HERC2: variants seen among roughly 807,000 people sequenced by gnomAD.
HERC2 encodes HECT and RLD domain containing E3 ubiquitin protein ligase 2.
In HERC2, 102 loss-of-function variants were observed where a neutral mutation model predicts 537.7. The ratio of observed to expected loss-of-function variants is 0.19; its 90% CI spans 0.16 to 0.22. The LOEUF (loss-of-function observed/expected upper bound fraction) is 0.22, where lower values mean the gene tolerates loss of function less well. Ranked by LOEUF, HERC2 falls within the 10% of genes least tolerant of loss-of-function variation. HERC2 has a pLI of 1.00. For missense variants in HERC2, 4,236 were observed against 6,198.2 expected, an observed-to-expected ratio of 0.68 and a Z score of 10.63; for synonymous variants, 2,224 against 2,466.2, an observed-to-expected ratio of 0.90 and a Z score of 2.91.
rs976076129 is a variant in HERC2 at position 28,113,859 on chromosome 15, T to G, written c.13914-181A>C. 1.1e-5 allele frequency: 7 copies of G among 628,262 alleles called. No individual in the cohort carries two copies. In the African/African-American group the frequency reaches 1.3e-4, roughly 11 times the overall value. 38.9% of individuals were successfully genotyped at this position (628,262 alleles called of 1,614,324 possible). On this transcript the variant is annotated intron_variant, in intron 90 of 92. Transcript: ENST00000261609. The surrounding 1 kb of genome is among the most constrained non-coding windows in gnomAD (Gnocchi z 7.0). Reference sequence around the variant, plus strand: ...GGCACTGCAGAGCTTCTCCTGACACTGGGCTCATCTCGTCCAGCCGACAGG... The same window carrying G: ...GGCACTGCAGAGCTTCTCCTGACACGGGGCTCATCTCGTCCAGCCGACAGG...
chr15:28,163,067 G>T, intron 69 of HERC2, 27 bp downstream of exon 69: 1 of 1,582,262 alleles, frequency 6.3e-7, no homozygotes. Context: ...GGTGGAATCA[G>T]ACGGCCCCGC....
At chr15:28,136,515 C>T (rs892740055) in intron 78 of HERC2, among the ~76,000 whole-genome samples, 2 of 152,210 alleles carry the variant, frequency 1.3e-5, no homozygotes, top group African/African-American at 4.8e-5. Flanking sequence ...AAGGGTTGCC[C>T]CTCAGTGACT....
chr15:28,187,276 T>C (rs1463548644), intron 55 of HERC2, among the ~76,000 whole-genome samples: 6 of 152,160 alleles, frequency 3.9e-5, no homozygotes, highest in African/African-American at 1.4e-4. Context: ...CTAGGCATTA[T>C]GCTGTTTCAA....
At position 28,301,831 on chromosome 15, in the gene HERC2, C is replaced by T. The variant is rs146536754; in HGVS notation, c.73-2315G>A. 3.6e-3 allele frequency among the ~76,000 whole-genome samples: 427 copies of T among 118,000 alleles called. 6 individuals are homozygous for T. The highest frequency in any genetic ancestry group is 0.013 in the African/African-American group (407 of 31,450). 77.4% of individuals were successfully genotyped at this position (118,000 alleles called of 152,430 possible). ...TTTTTTTTTTTTTTGAGACGGATCT[C>T]GTTCTGGCACTAAGCTGGAGTGCAG... On this transcript the variant is annotated intron_variant, in intron 2 of 92. Coordinates refer to ENST00000261609, the MANE Select transcript of HERC2 (RefSeq NM_004667.6).
intron 69 of HERC2, 63 bp from the exon 70 acceptor site, chr15:28,152,893 C>G: frequency 6.7e-7 from 1 of 1,485,634 alleles, no homozygotes; most frequent in Non-Finnish European, 9.1e-7. Context: ...CACCTGCATG[C>G]CACCTCTGCC....
At position 28,174,629 on chromosome 15, in the gene HERC2, G is replaced by A. The variant is rs762025924; in HGVS notation, c.9832-9C>T. ...TCACCCCAAGCATACACCTGTTTAC[G>A]AGGAGAAAAAAGCTTATAATTTTTC... On this transcript the variant is annotated splice_polypyrimidine_tract_variant and intron_variant, in intron 64 of 92. Transcript: ENST00000261609. The A allele has an allele frequency of 7.2e-5, 111 of 1,539,208 alleles. No homozygotes were observed. Among genetic ancestry groups the A allele is most frequent in the East Asian group, 3.1e-4 (14 of 44,568 alleles).
Position 28,236,180 on chromosome 15 carries a change from C to T in HERC2, c.4003+783G>A, listed in dbSNP as rs150776592. ...GAGATTCCTGCACACTTTTTAGCTT[C>T]CTCTGCAGCAACAGACCATGAGGGC... On this transcript the variant is annotated intron_variant, in intron 26 of 92. Transcript: ENST00000261609. 1.7e-3 allele frequency among the ~76,000 whole-genome samples: 256 copies of T among 152,264 alleles called. 1 individual carries two copies. The highest frequency in any genetic ancestry group is 5.9e-3 in the African/African-American group (245 of 41,538).
chr15:28,222,662 G>A (rs1433833558), intron 35 of HERC2, among the ~76,000 whole-genome samples: 1 of 152,122 alleles, frequency 6.6e-6, no homozygotes, highest in African/African-American at 2.4e-5. Flanking sequence ...GGTTGCTGCA[G>A]GCTGGCCCTC....
rs1297835189 is a variant in HERC2 at position 28,318,454 on chromosome 15, C to T, written c.72+2908G>A. ...CCAACCTGGCCCACATGGTGGAGCCCTGTCTCTACTAAAAGTACACAAAAT... is the reference window on the plus strand; with the variant it reads ...CCAACCTGGCCCACATGGTGGAGCCTTGTCTCTACTAAAAGTACACAAAAT... On this transcript the variant is annotated intron_variant, in intron 2 of 92. Transcript: ENST00000261609. Among the ~76,000 whole-genome samples, 4 of 152,238 alleles carry T rather than the reference C, an allele frequency of 2.6e-5. No individual in the cohort carries two copies. In the South Asian group the frequency reaches 6.2e-4, roughly 24 times the overall value.
chr15:28,251,004 A>C (rs2075058226), intron 20 of HERC2, among the ~76,000 whole-genome samples: 1 of 152,210 alleles, frequency 6.6e-6, no homozygotes, highest in South Asian at 2.1e-4. Context: ...CCAATGTCCC[A>C]TACAGGACCC....
intron 3 of HERC2, among the ~76,000 whole-genome samples, chr15:28,295,026 T>C (rs1035332706): frequency 5.3e-5 from 8 of 152,094 alleles, no homozygotes; most frequent in African/African-American, 1.7e-4. Flanking sequence ...ATATTCAGCA[T>C]TGTTAGCCAT....
chr15:28,252,161 G>T (rs1419414781), intron 20 of HERC2, among the ~76,000 whole-genome samples: 2 of 152,122 alleles, frequency 1.3e-5, no homozygotes, highest in Non-Finnish European at 1.5e-5. Context: ...CAGTGTCTCA[G>T]CTATGATGGA....
At chr15:28,226,226 T>G (rs540174672) in intron 35 of HERC2, among the ~76,000 whole-genome samples, 31 of 152,346 alleles carry the variant, frequency 2.0e-4, no homozygotes, top group Admixed American at 4.6e-4. Context: ...AATCTACAGA[T>G]TCAATCCCTA....
chr15:28,224,220 C>T (rs1900861053), intron 35 of HERC2, among the ~76,000 whole-genome samples: 1 of 151,102 alleles, frequency 6.6e-6, no homozygotes, highest in Non-Finnish European at 1.5e-5. Context: ...AAGATTCCCC[C>T]CACCCCCAAG....
intron 2 of HERC2, among the ~76,000 whole-genome samples, chr15:28,300,199 G>A (rs942888939): frequency 6.6e-6 from 1 of 151,768 alleles, no homozygotes; most frequent in African/African-American, 2.4e-5. Flanking sequence ...AAGGCAGCAG[G>A]ACCAGAAAAA....
intron 70 of HERC2, among the ~76,000 whole-genome samples, chr15:28,150,792 C>T (rs141748146): frequency 0.015 from 2,285 of 151,444 alleles, 35 homozygotes; most frequent in Non-Finnish European, 0.021. Context: ...AAAAAACACA[C>T]GTGACTTCTA....
At chr15:28,117,585 G>A in intron 86 of HERC2, 2 of 469,072 alleles carry the variant, frequency 4.3e-6, no homozygotes, top group South Asian at 3.1e-5. Flanking sequence ...TCCCCCAGCA[G>A]ACCAGAACAG....
chr15:28,126,967 A>G (rs996975839), intron 83 of HERC2, among the ~76,000 whole-genome samples: 2 of 152,244 alleles, frequency 1.3e-5, no homozygotes, highest in South Asian at 2.1e-4. Flanking sequence ...TTTTCAGTGC[A>G]CCGTGTGGGA....
intron 20 of HERC2, among the ~76,000 whole-genome samples, chr15:28,250,065 C>T (rs947168729): frequency 2.0e-5 from 3 of 150,544 alleles, no homozygotes; most frequent in African/African-American, 7.4e-5. Context: ...CCACCCGCCC[C>T]GTTGAGCCAG....
Sources: allele counts gnomAD v4.1 joint callset (sites outside exome capture counted in the v4.1 genomes callset), GRCh38; gene constraint gnomAD v4.1.1; non-coding constraint Gnocchi (gnomAD v3.1); transcripts MANE v1.5; gene names NCBI Gene and HGNC (gene_info 2026-07-23, HGNC 2026-07-21).